The following RBFOX1 variants were observed in gnomAD, a reference collection of about 807,000 sequenced individuals.
RBFOX1 encodes the protein RNA binding protein fox-1 homolog 1.
RBFOX1 carries 8 observed loss-of-function variants against 57.7 expected under a neutral mutation model. The observed-to-expected ratio is 0.14, with a 90% CI of 0.08 to 0.25. RBFOX1 has a LOEUF of 0.25. RBFOX1 is among the 10% of genes least tolerant of loss of function. RBFOX1 has a pLI of 1.00. For missense variants in RBFOX1, 611 were observed against 548.5 expected (o/e 1.11, Z -1.14); for synonymous variants, 326 against 222.4 (o/e 1.47, Z -4.15).
At chr16:7,353,891 G>C (rs1453399383) in intron 4 of RBFOX1, among the ~76,000 whole-genome samples, 1 of 152,150 alleles carries the variant, frequency 6.6e-6, no homozygotes, top group Non-Finnish European at 1.5e-5. Flanking sequence ...GAATGTTCTA[G>C]AATTGTACAA....
In RBFOX1 at chr16:5,285,653, A is replaced by T. The variant is rs1307885079; in HGVS notation, c.219+45548A>T. Among the ~76,000 whole-genome samples the T allele has an allele frequency of 2.0e-5, 3 of 152,242 alleles. No homozygotes were observed. The East Asian group carries it at 5.8e-4, about 29-fold the overall frequency. On this transcript the variant is annotated intron_variant, in intron 1 of 2. Coordinates refer to the RBFOX1 transcript ENST00000585867. The stretch of plus-strand genomic sequence containing the variant: ...GCTGTATCTACAATGTTCATTGGAT[A>T]TCACACTTTGGCTTTGATTCTGGGT...
intron 4 of RBFOX1, among the ~76,000 whole-genome samples, chr16:7,202,852 C>G (rs1279902932): frequency 1.3e-5 from 2 of 152,166 alleles, no homozygotes; most frequent in Non-Finnish European, 2.9e-5. Flanking sequence ...GTCCCTGGTG[C>G]CAAAAAGGTT....
intron 2 of RBFOX1, among the ~76,000 whole-genome samples, chr16:5,486,012 A>G (rs543269459): frequency 9.2e-5 from 14 of 152,316 alleles, no homozygotes; most frequent in African/African-American, 3.4e-4. Flanking sequence ...AGAATTCGGT[A>G]TGAGCTCGCC....
chr16:6,705,348 G>C lies in RBFOX1; in HGVS notation c.-16+50698G>C, dbSNP rs546747205. 4 of 152,348 alleles carry C rather than the reference G, an allele frequency of 2.6e-5. No homozygotes were observed. The South Asian group carries it at 8.3e-4, about 32-fold the overall frequency. The allele number at this position is 152,348 out of a possible 1,614,324, so 9.4% of individuals were successfully genotyped here. On this transcript the variant is annotated intron_variant, in intron 3 of 15. Transcript: ENST00000550418. ...AGAGCGATCCATGGCATGATGGATG[G>C]GGGTTGGCATCAGAATGAATCATGT... is the stretch of plus-strand genomic sequence containing the variant.
At chr16:7,322,628 T>C (rs1375155152) in intron 4 of RBFOX1, among the ~76,000 whole-genome samples, 1 of 152,196 alleles carries the variant, frequency 6.6e-6, no homozygotes, top group East Asian at 1.9e-4. Flanking sequence ...TGCGCAGTTT[T>C]CTGGGATGAG....
At chr16:5,390,889 A>G (rs1567436934) in intron 1 of RBFOX1, among the ~76,000 whole-genome samples, 3 of 152,190 alleles carry the variant, frequency 2.0e-5, no homozygotes, top group Non-Finnish European at 1.5e-5. Flanking sequence ...ACCCACCCAG[A>G]GGAAGCAGAG....
At chr16:7,309,533 C>G (rs961188158) in intron 4 of RBFOX1, among the ~76,000 whole-genome samples, 9 of 152,168 alleles carry the variant, frequency 5.9e-5, no homozygotes, top group Admixed American at 3.3e-4. Context: ...TGGAGAAAGT[C>G]TGTGTTATTA....
At position 6,233,907 on chromosome 16, in the gene RBFOX1, G is replaced by C. The variant is rs150699097; in HGVS notation, c.-126-83088G>C. Among the ~76,000 whole-genome samples, 416 of 152,260 alleles carry C rather than the reference G, an allele frequency of 2.7e-3. 3 individuals are homozygous for C. Among genetic ancestry groups the C allele is most frequent in the South Asian group, 0.024 (115 of 4,826 alleles). ...TGTGCTCCCATAATAGAATACCTGA[G>C]ACTGAGTAACTGATAAAGAACAGAA... On this transcript the variant is annotated intron_variant, in intron 1 of 15. Coordinates refer to ENST00000550418, the MANE Select transcript of RBFOX1 (RefSeq NM_018723.4).
intron 3 of RBFOX1, among the ~76,000 whole-genome samples, chr16:6,844,904 G>A (rs1418427108): frequency 6.6e-6 from 1 of 152,140 alleles, no homozygotes; most frequent in Non-Finnish European, 1.5e-5. Context: ...GTATCTCATT[G>A]TGGTTTTGAT....
intron 3 of RBFOX1, among the ~76,000 whole-genome samples, chr16:6,865,001 T>TTC (rs1555544561): frequency 4.4e-5 from 4 of 90,698 alleles, no homozygotes; most frequent in African/African-American, 1.5e-4. Context: ...TTTTCTTTTT[T>TTC]TTTTTTTTTT....
chr16:6,673,976 G>A (rs1226841828), intron 3 of RBFOX1, among the ~76,000 whole-genome samples: 1 of 152,148 alleles, frequency 6.6e-6, no homozygotes, highest in Non-Finnish European at 1.5e-5. Flanking sequence ...GGAGACTCTA[G>A]GAAGGGAGAA....
intron 1 of RBFOX1, among the ~76,000 whole-genome samples, chr16:5,425,408 T>C (rs1167920976): frequency 6.6e-6 from 1 of 152,046 alleles, no homozygotes; most frequent in East Asian, 1.9e-4. Context: ...CCGGCCAGCA[T>C]GTGTGTTTTC....
At chr16:6,251,371 G>A (rs1488423426) in intron 1 of RBFOX1, among the ~76,000 whole-genome samples, 2 of 152,038 alleles carry the variant, frequency 1.3e-5, no homozygotes, top group Non-Finnish European at 2.9e-5. Flanking sequence ...AAGTTCAGAG[G>A]GGTTAAGTCA....
intron 1 of RBFOX1, among the ~76,000 whole-genome samples, chr16:6,022,456 G>A (rs774776315): frequency 9.9e-5 from 15 of 152,076 alleles, no homozygotes; most frequent in East Asian, 1.9e-4. Context: ...TGAGGTGGGC[G>A]TATTGCTTGA....
chr16:7,175,212 C>G (rs1264163537), intron 4 of RBFOX1, among the ~76,000 whole-genome samples: 3 of 151,930 alleles, frequency 2.0e-5, no homozygotes, highest in East Asian at 1.9e-4. Flanking sequence ...ACCCCAGCCC[C>G]CAATAGGCCC....
intron 1 of RBFOX1, among the ~76,000 whole-genome samples, chr16:5,433,231 G>A (rs967942141): frequency 4.6e-5 from 7 of 152,124 alleles, no homozygotes; most frequent in African/African-American, 1.4e-4. Flanking sequence ...AAGCTGTTAC[G>A]GTGCAGGAGG....
chr16:6,835,219 A>T (rs1183254993), intron 3 of RBFOX1, among the ~76,000 whole-genome samples: 1 of 152,092 alleles, frequency 6.6e-6, no homozygotes, highest in Non-Finnish European at 1.5e-5. Flanking sequence ...TTCTCTTGTG[A>T]AGATGGCTCC....
At chr16:5,651,105 TGC>T (rs1182657397) in intron 3 of RBFOX1, among the ~76,000 whole-genome samples, 1 of 125,204 alleles carries the variant, frequency 8.0e-6, no homozygotes, top group African/African-American at 2.9e-5. Context: ...CAGGCTGGAG[TGC>T]AGTGGCGTGA....
rs969893595 is a variant in RBFOX1, at chr16:7,604,774, C to G, written c.623-2511C>G. Among the ~76,000 whole-genome samples, 6 of 152,050 alleles carry G rather than the reference C, an allele frequency of 3.9e-5. No individual in the cohort carries two copies. In the East Asian group the frequency reaches 9.7e-4, roughly 25 times the overall value. ...AAATTTATAATCTTTAAGAGCTACA[C>G]CAAAATTCACTGATAAGTATACCTT... On this transcript the variant is annotated intron_variant, in intron 9 of 15. Transcript: ENST00000550418.
Sources: gnomAD v4.1 joint callset for allele counts (sites outside exome capture counted in the v4.1 genomes callset) on GRCh38, gnomAD v4.1.1 for gene constraint, MANE v1.5 for transcripts, NCBI Gene and HGNC (gene_info 2026-07-23, HGNC 2026-07-21) for gene names.